Variants in AMPD3 observed in about 807,000 individuals in gnomAD.
The protein encoded by AMPD3 is adenosine monophosphate deaminase 3.
Under a neutral mutation model 82.3 loss-of-function variants are expected in AMPD3, and 57 were observed. The observed-to-expected ratio is 0.69, with a 90% CI of 0.56 to 0.86. The LOEUF is 0.86. AMPD3 is among the 40% of genes least tolerant of loss of function. AMPD3 has a pLI of 0.00. For synonymous variants in AMPD3, 381 were observed against 394.7 expected (o/e 0.97, Z 0.41); for missense variants, 870 against 1,003.8 (o/e 0.87, Z 1.80).
In AMPD3 at chr11:10,484,816, G is replaced by T. The variant is rs997715829; in HGVS notation, c.590-4G>T. 1.1e-5 allele frequency: 18 copies of T among 1,613,570 alleles called. No homozygotes were observed. In the African/African-American group the frequency reaches 2.1e-4, roughly 19 times the overall value. ...CTTTGCCATCCCTCAATCCTGTTTT[G>T]CAGACTTCCACCCTCCTCCACTGCC... On this transcript the variant is annotated splice_polypyrimidine_tract_variant and splice_region_variant and intron_variant, in intron 4 of 14. Coordinates refer to ENST00000396553, the MANE Select transcript of AMPD3 (RefSeq NM_001025389.2).
At chr11:10,488,186 GC>G (rs1158345182) in intron 6 of AMPD3, 2 of 985,228 alleles carry the variant, frequency 2.0e-6, no homozygotes, top group African/African-American at 3.5e-5. Flanking sequence ...GGCCGCAACT[GC>G]GGTAGGAGCG....
chr11:10,477,240 G>T lies in AMPD3; in HGVS notation c.222-1286G>T, dbSNP rs1356387884. 3 of 398,718 alleles carry T rather than the reference G, an allele frequency of 7.5e-6. No individual in the cohort carries two copies. In the East Asian group the frequency reaches 4.8e-4, roughly 64 times the overall value. The allele number at this position is 398,718 out of a possible 1,614,324, so 24.7% of individuals were successfully genotyped here. ...ACCTGGAGAGGAGGAGGGCTCTAGTGGGTCACAGTTGTCACTGAGTCCTTG... is the reference window on the plus strand; with the variant it reads ...ACCTGGAGAGGAGGAGGGCTCTAGTTGGTCACAGTTGTCACTGAGTCCTTG... On this transcript the variant is annotated intron_variant, in intron 2 of 14. Transcript: ENST00000396553.
intron 11 of AMPD3, chr11:10,500,943 T>G: frequency 1.0e-6 from 1 of 985,220 alleles, no homozygotes; most frequent in Non-Finnish European, 1.2e-6. Context: ...TGCTAGTTGG[T>G]GGGTGTGGAG....
chr11:10,458,679 A>C (rs1646552969), intron 1 of AMPD3, among the ~76,000 whole-genome samples: 1 of 152,138 alleles, frequency 6.6e-6, no homozygotes, highest in South Asian at 2.1e-4. Context: ...AATTCTGATT[A>C]CTTAACATCT....
At chr11:10,462,908 T>A (rs1195991026) in intron 2 of AMPD3, among the ~76,000 whole-genome samples, 1 of 152,176 alleles carries the variant, frequency 6.6e-6, no homozygotes, top group Non-Finnish European at 1.5e-5. Flanking sequence ...AAGGCCCATG[T>A]GGTTAGAGGT....
chr11:10,474,729 C>A (rs934675045), intron 2 of AMPD3, among the ~76,000 whole-genome samples: 3 of 152,222 alleles, frequency 2.0e-5, no homozygotes, highest in African/African-American at 7.2e-5. Flanking sequence ...GCCCTTTGAG[C>A]CCTCAGGCTT....
chr11:10,452,110 CCT>C (rs961538227), upstream of AMPD3, among the ~76,000 whole-genome samples: 4 of 152,122 alleles, frequency 2.6e-5, no homozygotes, highest in Non-Finnish European at 4.4e-5. Flanking sequence ...CTTAGCTCAG[CCT>C]CTGTCTTCTA....
Position 10,493,427 on chromosome 11 carries a change from G to GA in AMPD3, c.1019dup (p.Pro341AlafsTer2). ...CTTCATCAAGCACACATACCAGACGGAGCCTGACAGGACTGTGGCAGAGAA... is the reference window on the plus strand; with the variant it reads ...CTTCATCAAGCACACATACCAGACGGAAGCCTGACAGGACTGTGGCAGAGAA... On this transcript the variant is annotated frameshift_variant, in exon 7 of 15. Coordinates refer to ENST00000396553, the MANE Select transcript of AMPD3 (RefSeq NM_001025389.2). LOFTEE classifies it high-confidence loss of function. The GA allele has an allele frequency of 1.9e-6, 3 of 1,614,240 alleles. No homozygotes were observed. Among genetic ancestry groups the GA allele is most frequent in the Non-Finnish European group, 2.5e-6 (3 of 1,180,036 alleles).
intron 13 of AMPD3, 24 bp downstream of exon 13, chr11:10,502,918 G>A (rs1358093954): frequency 9.9e-6 from 16 of 1,612,272 alleles, no homozygotes; most frequent in African/African-American, 1.3e-5. Context: ...GGTGAGGACA[G>A]TAGTGCTTCA....
At chr11:10,505,273 G>T (rs142525133) in intron 14 of AMPD3, 1 of 978,158 alleles carries the variant, frequency 1.0e-6, no homozygotes, top group African/African-American at 1.8e-5. Context: ...GGCTGTGCTC[G>T]TCGGATGATG....
intron 11 of AMPD3, 58 bp downstream of exon 11, chr11:10,500,307 GCACACACATGCA>G (rs1227672931): frequency 1.9e-6 from 3 of 1,560,790 alleles, no homozygotes; most frequent in Admixed American, 3.3e-5. Flanking sequence ...ATGCACGCAT[GCACACACATGCA>G]CACACACATG....
chr11:10,499,749 G>A (rs1849523168), intron 10 of AMPD3: 1 of 985,444 alleles, frequency 1.0e-6, no homozygotes. Flanking sequence ...GCTGGCCTCG[G>A]CATAGCAGAG....
Position 10,506,144 on chromosome 11 carries a change from A to C in AMPD3, c.*260A>C, listed in dbSNP as rs1849709642. On this transcript the variant is annotated 3_prime_UTR_variant, in exon 15 of 15. Coordinates refer to ENST00000396553, the MANE Select transcript of AMPD3 (RefSeq NM_001025389.2). The surrounding 1 kb of genome is among the most constrained non-coding windows in gnomAD (Gnocchi z 4.1). The stretch of plus-strand genomic sequence containing the variant: ...GTCTATACTTGTTCCTAATTTTCCA[A>C]GTATTTCTCTTGAAACTGCCAGTGC... 3.2e-5 allele frequency: 16 copies of C among 498,394 alleles called. No homozygotes were observed. Among genetic ancestry groups the C allele is most frequent in the South Asian group, 2.3e-4 (11 of 48,080 alleles). 30.9% of individuals were successfully genotyped at this position (498,394 alleles called of 1,614,324 possible).
chr11:10,455,254 G>A (rs180772894), upstream of AMPD3: 1,516 of 985,402 alleles, frequency 1.5e-3, 1 homozygote, highest in Non-Finnish European at 1.7e-3. Flanking sequence ...TGTCTGTTCT[G>A]AGCCTTCCCA....
In AMPD3 at chr11:10,461,499, G is replaced by C; in HGVS notation, c.-5-16G>C. On this transcript the variant is annotated splice_polypyrimidine_tract_variant and intron_variant, in intron 1 of 14. Coordinates refer to ENST00000396553, the MANE Select transcript of AMPD3 (RefSeq NM_001025389.2). ...TCAGGGCATCCTGCAATTCATGCTTGTTCTTTCTTTGCTAGCTGAGATGCC... is the reference window on the plus strand; with the variant it reads ...TCAGGGCATCCTGCAATTCATGCTTCTTCTTTCTTTGCTAGCTGAGATGCC... 1 of 1,614,154 alleles carries C rather than the reference G, an allele frequency of 6.2e-7. No homozygotes were observed. Among genetic ancestry groups the C allele is most frequent in the Non-Finnish European group, 8.5e-7 (1 of 1,180,032 alleles).
chr11:10,469,038 C>G (rs1420490130), intron 2 of AMPD3, among the ~76,000 whole-genome samples: 1 of 152,162 alleles, frequency 6.6e-6, no homozygotes, highest in African/African-American at 2.4e-5. Context: ...CAAGAGAAAG[C>G]AGGAAAGATC....
chr11:10,459,990 A>G (rs1221878464), intron 1 of AMPD3, among the ~76,000 whole-genome samples: 1 of 150,706 alleles, frequency 6.6e-6, no homozygotes, highest in African/African-American at 2.4e-5. Context: ...AACTGAGTTA[A>G]TAAGTATGAA....
rs757944528 is a variant in AMPD3, at chr11:10,502,740, T to C, written c.1862T>C (p.Leu621Pro). 4 of 1,614,224 alleles carry C rather than the reference T, an allele frequency of 2.5e-6. No individual in the cohort carries two copies. The Admixed American group carries it at 6.7e-5, about 27-fold the overall frequency. ...TTGCAGAGTCCGGTATTGCAGTATC[T>C]CTACTACCTTGCTCAGATCCCCATT... is the stretch of plus-strand genomic sequence containing the variant. ...LLKKSPVLQYLYYLAQIPIAM... is the reference protein window; with the variant it reads ...LLKKSPVLQYPYYLAQIPIAM... The change falls in exon 13 of 15, where the codon CTC (leucine) becomes CCC (proline). Residue 621 changes from leucine (L) to proline (P), a missense_variant. By Grantham distance (98) the Leu-to-Pro change is moderately conservative. Coordinates refer to ENST00000396553, the MANE Select transcript of AMPD3 (RefSeq NM_001025389.2).
chr11:10,460,055 A>T (rs931994625), intron 1 of AMPD3, among the ~76,000 whole-genome samples: 3 of 106,584 alleles, frequency 2.8e-5, no homozygotes, highest in Admixed American at 1.8e-4. Flanking sequence ...TATATTATAT[A>T]TAATATATAT....
Sources: gnomAD v4.1 joint callset for allele counts (sites outside exome capture counted in the v4.1 genomes callset) on GRCh38, gnomAD v4.1.1 for gene constraint, Gnocchi (gnomAD v3.1) non-coding constraint, MANE v1.5 for transcripts, NCBI Gene and HGNC (gene_info 2026-07-23, HGNC 2026-07-21) for gene names.